Variants in STIM1 observed in about 807,000 individuals in gnomAD.
STIM1 encodes the protein stromal interaction molecule 1.
Under a neutral mutation model 74.7 loss-of-function variants are expected in STIM1, and 25 were observed. The observed-to-expected ratio is 0.33, with a 90% CI of 0.24 to 0.47. The LOEUF is 0.47. Among genes scored for constraint, STIM1 ranks in the 20% least tolerant of loss-of-function variants. The pLI, the probability that STIM1 is intolerant of heterozygous loss-of-function variation, is 1.00. For synonymous variants in STIM1, 328 were observed against 348.8 expected, an observed-to-expected ratio of 0.94 and a Z score of 0.66; for missense variants, 728 against 920.8, an observed-to-expected ratio of 0.79 and a Z score of 2.71.
chr11:3,963,647 A>C (rs996181598), intron 1 of STIM1, among the ~76,000 whole-genome samples: 5 of 152,214 alleles, frequency 3.3e-5, no homozygotes, highest in African/African-American at 1.2e-4. Flanking sequence ...AAAAACATTT[A>C]CTGAGCATCT....
rs563363723 is a variant in STIM1 at position 3,926,183 on chromosome 11, G to A, written c.140-41369G>A. ...TTGTGTGGTAAAGTTTGATTTAGTT[G>A]AGAAAAAAATATAAACCATAATTTA... On this transcript the variant is annotated intron_variant, in intron 1 of 12. Coordinates refer to ENST00000526596, the MANE Select transcript of STIM1 (RefSeq NM_001382567.1). Among the ~76,000 whole-genome samples, 10 of 152,096 alleles carry A rather than the reference G, an allele frequency of 6.6e-5. No homozygotes were observed. In the South Asian group the frequency reaches 1.9e-3, roughly 28 times the overall value.
At chr11:3,989,538 C>G in intron 2 of STIM1, 1 of 573,192 alleles carries the variant, frequency 1.7e-6, no homozygotes, top group South Asian at 1.6e-5. Context: ...GCTGGGCTGC[C>G]TGGTCGCTGC....
chr11:3,928,780 T>C (rs2092821549), intron 1 of STIM1, among the ~76,000 whole-genome samples: 1 of 152,110 alleles, frequency 6.6e-6, no homozygotes, highest in African/African-American at 2.4e-5. Flanking sequence ...CCACAGAAAA[T>C]TTCATACATT....
At chr11:4,040,622 C>G (rs2094140613) in intron 3 of STIM1, among the ~76,000 whole-genome samples, 1 of 152,206 alleles carries the variant, frequency 6.6e-6, no homozygotes, top group South Asian at 2.1e-4. Flanking sequence ...GATTTTATCT[C>G]TTAATACTTA....
At chr11:4,012,958 C>A (rs1440860002) in intron 2 of STIM1, among the ~76,000 whole-genome samples, 1 of 152,094 alleles carries the variant, frequency 6.6e-6, no homozygotes, top group Admixed American at 6.5e-5. Context: ...TTGTCAAAGG[C>A]CTTTTCTGCA....
At chr11:4,049,763 C>T (rs1376810027) in intron 3 of STIM1, among the ~76,000 whole-genome samples, 1 of 83,174 alleles carries the variant, frequency 1.2e-5, no homozygotes, top group African/African-American at 3.2e-5. Context: ...CACACACACA[C>T]ATGCTTAGAA....
intron 2 of STIM1, among the ~76,000 whole-genome samples, chr11:4,003,294 A>G (rs1326984832): frequency 6.7e-6 from 1 of 149,582 alleles, no homozygotes; most frequent in Non-Finnish European, 1.5e-5. Context: ...AAAAAAGAGA[A>G]TTTTAGACCA....
intron 1 of STIM1, among the ~76,000 whole-genome samples, chr11:3,962,652 A>T (rs1358926156): frequency 6.6e-6 from 1 of 151,986 alleles, no homozygotes; most frequent in East Asian, 1.9e-4. Flanking sequence ...CCTTTGGGAG[A>T]TCTCCATACT....
chr11:3,899,358 A>G (rs1212980863), intron 1 of STIM1, among the ~76,000 whole-genome samples: 8 of 152,174 alleles, frequency 5.3e-5, no homozygotes, highest in African/African-American at 1.9e-4. Flanking sequence ...ATTTTTGTAC[A>G]TTGATTTTGT....
chr11:3,881,672 A>G (rs1397234904), intron 1 of STIM1, among the ~76,000 whole-genome samples: 1 of 132,446 alleles, frequency 7.6e-6, no homozygotes, highest in African/African-American at 2.9e-5. Flanking sequence ...TGCCCGGCCG[A>G]TTATTTTATT....
intron 3 of STIM1, among the ~76,000 whole-genome samples, chr11:4,054,753 C>T (rs1182736037): frequency 6.6e-6 from 1 of 152,192 alleles, no homozygotes; most frequent in East Asian, 1.9e-4. Flanking sequence ...TCAAATTTCA[C>T]ATCTTTTCTT....
chr11:4,029,725 A>G (rs998907223), intron 3 of STIM1, among the ~76,000 whole-genome samples: 2 of 152,120 alleles, frequency 1.3e-5, no homozygotes, highest in Admixed American at 6.5e-5. Context: ...GGCTCCAGCC[A>G]CTCTCAACCT....
At chr11:3,976,998 T>C (rs1250448116) in intron 2 of STIM1, among the ~76,000 whole-genome samples, 6 of 152,166 alleles carry the variant, frequency 3.9e-5, no homozygotes, top group Non-Finnish European at 8.8e-5. Context: ...TTTCGCCATG[T>C]TGGTCATGCT....
intron 1 of STIM1, among the ~76,000 whole-genome samples, chr11:3,905,002 G>C (rs6578418): frequency 0.91 from 138,548 of 152,092 alleles, 63,121 homozygotes; most frequent in East Asian, 0.92. Flanking sequence ...GGATAGAGCA[G>C]AGAGGAACTC....
At chr11:4,082,461 A>T in intron 8 of STIM1, 110 bp downstream of exon 8, 2 of 1,170,506 alleles carry the variant, frequency 1.7e-6, no homozygotes, top group Admixed American at 2.0e-5. Context: ...GGGTGAAGAG[A>T]TATCCTGGTG....
At chr11:4,011,055 T>G (rs963865509) in intron 2 of STIM1, among the ~76,000 whole-genome samples, 2 of 152,174 alleles carry the variant, frequency 1.3e-5, no homozygotes, top group Non-Finnish European at 2.9e-5. Flanking sequence ...AACTCATCCT[T>G]TTTTATGGCT....
chr11:4,074,474 C>T (rs1415604214), intron 6 of STIM1, 28 bp from the exon 7 acceptor site: 4 of 1,612,414 alleles, frequency 2.5e-6, no homozygotes, highest in Non-Finnish European at 2.5e-6. Context: ...TGCCTGGCCT[C>T]CTCCAGCTCC....
At chr11:4,060,161 C>T (rs754189262) in intron 5 of STIM1, among the ~76,000 whole-genome samples, 19 of 152,188 alleles carry the variant, frequency 1.2e-4, no homozygotes, top group Non-Finnish European at 2.2e-4. Context: ...TCAGTCTCTA[C>T]AGATCTATGT....
chr11:3,903,980 C>T (rs566867859), intron 1 of STIM1, among the ~76,000 whole-genome samples: 16 of 152,104 alleles, frequency 1.1e-4, no homozygotes, highest in South Asian at 4.2e-4. Flanking sequence ...GGGTAGATCA[C>T]GAGGTCAGCA....
Sources: allele counts gnomAD v4.1 joint callset (sites outside exome capture counted in the v4.1 genomes callset), GRCh38; gene constraint gnomAD v4.1.1; transcripts MANE v1.5; gene names NCBI Gene and HGNC (gene_info 2026-07-23, HGNC 2026-07-21).